The following ZNF724 variants were observed in gnomAD, a reference collection of about 807,000 sequenced individuals.
The protein encoded by ZNF724 is zinc finger protein 724.
A neutral mutation model predicts 29.3 loss-of-function variants in ZNF724; 14 were observed. The ratio of observed to expected loss-of-function variants is 0.48; its 90% CI spans 0.32 to 0.75. The LOEUF is 0.75. ZNF724 is among the 30% of genes least tolerant of loss of function. ZNF724 has a pLI of 0.04. For missense variants in ZNF724, 557 were observed against 571.2 expected (o/e 0.98, Z 0.25); for synonymous variants, 180 against 193.6 (o/e 0.93, Z 0.58).
intron 1 of ZNF724, among the ~76,000 whole-genome samples, chr19:23,234,121 A>C (rs776932553): frequency 6.6e-6 from 1 of 152,212 alleles, no homozygotes; most frequent in Non-Finnish European, 1.5e-5. Context: ...GTCTTTACCA[A>C]ACCCAAACAG....
In ZNF724 at chr19:23,223,958, T is replaced by G. The variant is rs534905887; in HGVS notation, c.287A>C (p.Gln96Pro). ...TTCATATTTTCTCAGTATTATTCTTTGCAAAGAAGCTTTTATGCTCTGCTC... is the reference window on the plus strand; with the variant it reads ...TTCATATTTTCTCAGTATTATTCTTGGCAAAGAAGCTTTTATGCTCTGCTC... ...RPEQSIKASL[Q>P]RIILRKYEKC... Residue 96 changes from glutamine to proline, a missense_variant, in exon 4 of 4, where the codon CAA becomes CCA. By Grantham distance (76) the Gln-to-Pro change is moderately conservative. Coordinates refer to ENST00000418100, the MANE Select transcript of ZNF724 (RefSeq NM_001355404.2). 1.4e-6 allele frequency: 1 copy of G among 739,818 alleles called. No homozygotes were observed. The highest frequency in any genetic ancestry group is 2.5e-6 in the Non-Finnish European group (1 of 402,252). 45.8% of individuals were successfully genotyped at this position (739,818 alleles called of 1,614,324 possible). A position where few individuals can be genotyped will look rare whatever the true frequency, so the allele number is the denominator to read the frequency against.
rs995777604 is a variant in ZNF724, at chr19:23,222,590, T to C, written c.1655A>G (p.His552Arg). 4 of 1,383,974 alleles carry C rather than the reference T, an allele frequency of 2.9e-6. No individual in the cohort carries two copies. Among genetic ancestry groups the C allele is most frequent in the Non-Finnish European group, 4.1e-6 (4 of 972,166 alleles). The allele number at this position is 1,383,974 out of a possible 1,614,324, so 85.7% of individuals were successfully genotyped here. The change falls in exon 4 of 4, where the codon CAT becomes CGT. Residue 552 changes from histidine to arginine, a missense_variant. This residue lies in a region of ZNF724 where 170 missense variants were observed against 220.7 expected (regional missense o/e 0.77). Transcript: ENST00000418100. Reference protein sequence around the residue: ...AFYQYSNLTQHKIIHTGEKPY... With the variant: ...AFYQYSNLTQRKIIHTGEKPY... ...TTTCTCTCCAGTATGAATTATCTTA[T>C]GTTGAGTAAGGTTTGAGTATTGGTA...
At chr19:23,241,058 A>C (rs1191375356) in intron 1 of ZNF724, among the ~76,000 whole-genome samples, 6 of 152,086 alleles carry the variant, frequency 3.9e-5, no homozygotes, top group East Asian at 1.9e-4. Flanking sequence ...AACAACAAAA[A>C]AAAAAGACTA....
chr19:23,247,404 T>G (rs1378200486), intron 1 of ZNF724, among the ~76,000 whole-genome samples: 3 of 151,802 alleles, frequency 2.0e-5, no homozygotes, highest in Admixed American at 6.6e-5. Context: ...ATTTACAGTT[T>G]AAAAGAGTCA....
At chr19:23,231,890 C>T (rs1428917023) in intron 2 of ZNF724, among the ~76,000 whole-genome samples, 4 of 152,036 alleles carry the variant, frequency 2.6e-5, no homozygotes, top group African/African-American at 4.8e-5. Context: ...TGCACCACTA[C>T]ACCTGGCTAA....
chr19:23,249,352 C>T (rs1568348014), intron 1 of ZNF724, among the ~76,000 whole-genome samples: 2 of 151,500 alleles, frequency 1.3e-5, no homozygotes, highest in South Asian at 4.2e-4. Flanking sequence ...GCGATTGTCC[C>T]GCCTCAGCCT....
intron 1 of ZNF724, among the ~76,000 whole-genome samples, chr19:23,244,804 G>T (rs970120306): frequency 6.6e-6 from 1 of 152,026 alleles, no homozygotes; most frequent in African/African-American, 2.4e-5. Context: ...TAAATTATGA[G>T]CCCATTATGA....
intron 1 of ZNF724, among the ~76,000 whole-genome samples, chr19:23,237,577 T>C (rs10407768): frequency 0.32 from 48,621 of 151,816 alleles, 8,096 homozygotes; most frequent in African/African-American, 0.41. Flanking sequence ...AAAATAAATA[T>C]TGTGGTCTTA....
intron 1 of ZNF724, among the ~76,000 whole-genome samples, chr19:23,244,106 G>A (rs888755901): frequency 1.3e-5 from 2 of 150,048 alleles, no homozygotes; most frequent in South Asian, 2.1e-4. Flanking sequence ...AACTCGACGG[G>A]TGGGGGTAAG....
intron 1 of ZNF724, among the ~76,000 whole-genome samples, chr19:23,242,242 AAACTATT>A (rs1356798914): frequency 6.6e-6 from 1 of 152,190 alleles, no homozygotes; most frequent in Non-Finnish European, 1.5e-5. Context: ...AAACAAATGC[AAACTATT>A]TGATGGTCAT....
At position 23,222,423 on chromosome 19, in the gene ZNF724, G is replaced by A. The variant is rs752472205; in HGVS notation, c.1822C>T (p.His608Tyr). The stretch of plus-strand genomic sequence containing the variant: ...TTTTCTACAGCATGAATTTTCTTGT[G>A]TGTAGTAAGGTTTGAGCATTGGTTA... ...AFNQCSNLTT[H>Y]KKIHAVEKSD... The change falls in exon 4 of 4, where the codon CAC becomes TAC. Residue 608 changes from histidine to tyrosine, a missense_variant. By Grantham distance (83) the His-to-Tyr change is moderately conservative (BLOSUM62 2). Transcript: ENST00000418100. 2.5e-6 allele frequency: 3 copies of A among 1,220,224 alleles called. No homozygotes were observed. The African/African-American group carries it at 4.5e-5, about 18-fold the overall frequency. The allele number at this position is 1,220,224 out of a possible 1,614,324, so 75.6% of individuals were successfully genotyped here. A position where few individuals can be genotyped will look rare whatever the true frequency, so the allele number is the denominator to read the frequency against.
rs774338249 is a variant in ZNF724, at chr19:23,231,234, C to G, written c.226+32G>C. On this transcript the variant is annotated intron_variant, in intron 3 of 3. Coordinates refer to ENST00000418100, the MANE Select transcript of ZNF724 (RefSeq NM_001355404.2). ...TCTCCTTGACATTTGGACCTCTCAT[C>G]TGTGTCATCTGTCATATTCACTCTC... 3 of 1,254,442 alleles carry G rather than the reference C, an allele frequency of 2.4e-6. No individual in the cohort carries two copies. In the Admixed American group the frequency reaches 6.1e-5, roughly 26 times the overall value. The allele number at this position is 1,254,442 out of a possible 1,614,324, so 77.7% of individuals were successfully genotyped here.
chr19:23,249,864 A>T (rs1186082078), intron 1 of ZNF724, among the ~76,000 whole-genome samples: 3 of 152,120 alleles, frequency 2.0e-5, no homozygotes, highest in African/African-American at 7.2e-5. Context: ...GGGAAAGATG[A>T]ACTGGAAACG....
At chr19:23,246,102 A>C (rs73561360) in intron 1 of ZNF724, among the ~76,000 whole-genome samples, 2,075 of 152,218 alleles carry the variant, frequency 0.014, 60 homozygotes, top group African/African-American at 0.047. Flanking sequence ...CACTGGGCTC[A>C]AGCTTTACTT....
At position 23,223,350 on chromosome 19, in the gene ZNF724, T is replaced by A; in HGVS notation, c.895A>T (p.Arg299Ter). Residue 299 changes from arginine (R) to a stop codon, truncating the protein, a stop_gained, in exon 4 of 4, where the codon AGA becomes TGA. Transcript: ENST00000418100. LOFTEE classifies it high-confidence loss of function. ...TCTCCAGCATGAATTATCTTATGTC[T>A]AGTAAGGGTTGATGATTGGTTAAAA... ...KAFNQSSTLT[R>*]HKIIHAGEKP... 1 of 768,984 alleles carries A rather than the reference T, an allele frequency of 1.3e-6. No individual in the cohort carries two copies. Among genetic ancestry groups the A allele is most frequent in the Non-Finnish European group, 2.4e-6 (1 of 413,138 alleles). The allele number at this position is 768,984 out of a possible 1,614,324, so 47.6% of individuals were successfully genotyped here. A position where few individuals can be genotyped will look rare whatever the true frequency, so the allele number is the denominator to read the frequency against.
At position 23,222,565 on chromosome 19, in the gene ZNF724, T is replaced by C; in HGVS notation, c.1680A>G (p.Lys560=). ...TQHKIIHTGE[K]PYKCEECGKA... is the part of the protein sequence containing the mutation. ...TGCCACATTCTTCACATTTGTAGGG[T>C]TTCTCTCCAGTATGAATTATCTTAT... The change falls in exon 4 of 4, where the codon AAA becomes AAG. Residue 560 remains lysine, a synonymous_variant. Coordinates refer to ENST00000418100, the MANE Select transcript of ZNF724 (RefSeq NM_001355404.2). 7.2e-7 allele frequency: 1 copy of C among 1,383,446 alleles called. No homozygotes were observed. Among genetic ancestry groups the C allele is most frequent in the Non-Finnish European group, 1.0e-6 (1 of 971,780 alleles). The allele number at this position is 1,383,446 out of a possible 1,614,324, so 85.7% of individuals were successfully genotyped here. A position where few individuals can be genotyped will look rare whatever the true frequency, so the allele number is the denominator to read the frequency against.
At chr19:23,227,745 G>A (rs1284728863) in intron 3 of ZNF724, among the ~76,000 whole-genome samples, 1 of 152,064 alleles carries the variant, frequency 6.6e-6, no homozygotes, top group African/African-American at 2.4e-5. Flanking sequence ...TTTGCCTGCA[G>A]CAAACAAATG....
chr19:23,238,564 T>A (rs1568343808), intron 1 of ZNF724, among the ~76,000 whole-genome samples: 1 of 152,186 alleles, frequency 6.6e-6, no homozygotes, highest in Admixed American at 6.5e-5. Flanking sequence ...ATATCCTCCC[T>A]TTTTATAAGG....
At chr19:23,248,903 G>A (rs1290775741) in intron 1 of ZNF724, among the ~76,000 whole-genome samples, 2 of 152,068 alleles carry the variant, frequency 1.3e-5, no homozygotes, top group East Asian at 3.9e-4. Context: ...GCTGAGGCAG[G>A]AGAATCACTT....
Sources: gnomAD v4.1 joint callset for allele counts (sites outside exome capture counted in the v4.1 genomes callset) on GRCh38, gnomAD v4.1.1 for gene constraint, gnomAD v4.1.1 regional missense constraint, MANE v1.5 for transcripts, NCBI Gene and HGNC (gene_info 2026-07-23, HGNC 2026-07-21) for gene names.